The following GARRE1 variants were observed in gnomAD, a reference collection of about 807,000 sequenced individuals.
The protein encoded by GARRE1 is granule associated Rac and RHOG effector protein 1.
In GARRE1, 49 loss-of-function variants were observed where a neutral mutation model predicts 103.2. That is an observed-to-expected ratio of 0.47 (90% CI 0.38 to 0.60). The LOEUF (loss-of-function observed/expected upper bound fraction) is 0.60. Among genes scored for constraint, GARRE1 ranks in the 20% least tolerant of loss-of-function variants. GARRE1 has a pLI of 0.00. For missense variants in GARRE1, 1,199 were observed against 1,370.5 expected (o/e 0.87, Z 1.98); for synonymous variants, 505 against 532.8 (o/e 0.95, Z 0.72).
intron 1 of GARRE1, among the ~76,000 whole-genome samples, chr19:34,263,302 A>G (rs1176713435): frequency 6.6e-6 from 1 of 152,112 alleles, no homozygotes; most frequent in East Asian, 1.9e-4. Context: ...ATAGATAGAT[A>G]TACATGAAAT....
intron 1 of GARRE1, among the ~76,000 whole-genome samples, chr19:34,282,215 G>A (rs955424728): frequency 1.3e-5 from 2 of 150,934 alleles, no homozygotes; most frequent in African/African-American, 2.4e-5. Flanking sequence ...GCAATAGTGC[G>A]ATCTCGGCTC....
chr19:34,330,792 G>T (rs1304432668), intron 7 of GARRE1, among the ~76,000 whole-genome samples: 3 of 145,106 alleles, frequency 2.1e-5, no homozygotes, highest in Non-Finnish European at 4.5e-5. Context: ...CGCCCAGGCT[G>T]CAGTGCAGTG....
At chr19:34,274,954 A>G (rs2055796227) in intron 1 of GARRE1, among the ~76,000 whole-genome samples, 1 of 152,214 alleles carries the variant, frequency 6.6e-6, no homozygotes, top group African/African-American at 2.4e-5. Context: ...TGTTGAGAAT[A>G]AAATTCTTCA....
intron 1 of GARRE1, among the ~76,000 whole-genome samples, chr19:34,298,007 T>C (rs939525132): frequency 6.6e-6 from 1 of 152,210 alleles, no homozygotes; most frequent in Non-Finnish European, 1.5e-5. Flanking sequence ...GGAATTATGG[T>C]AATTGGCCAT....
rs912414362 is a variant in GARRE1, at chr19:34,277,853, CA to C, written c.-795-21817del. On this transcript the variant is annotated intron_variant, in intron 1 of 13. Coordinates refer to ENST00000299505, the MANE Select transcript of GARRE1 (RefSeq NM_014686.5). ...TAAGCACTTTCCTAAATGGAGTATT[CA>C]AAAAAAAACTATATAAACAGGAAAA... Among the ~76,000 whole-genome samples the C allele has an allele frequency of 1.2e-4, 17 of 147,062 alleles. No homozygotes were observed. In the South Asian group the frequency reaches 3.5e-3, roughly 30 times the overall value.
Position 34,284,096 on chromosome 19 carries a change from C to CTGGAA in GARRE1, c.-795-15582_-795-15578dup, listed in dbSNP as rs1181100253. 1.3e-4 allele frequency among the ~76,000 whole-genome samples: 19 copies of CTGGAA among 145,096 alleles called. No homozygotes were observed. The Admixed American group carries it at 1.4e-3, about 10-fold the overall frequency. On this transcript the variant is annotated intron_variant, in intron 1 of 13. Coordinates refer to ENST00000299505, the MANE Select transcript of GARRE1 (RefSeq NM_014686.5). ...CCGCCCGCCTCAGCCTCCCAAAGTG[C>CTGGAA]TGGAAGTGCTGGGATTACAGGCCCG...
chr19:34,291,601 A>G (rs1172536568), intron 1 of GARRE1, among the ~76,000 whole-genome samples: 5 of 152,180 alleles, frequency 3.3e-5, no homozygotes, highest in Non-Finnish European at 7.3e-5. Context: ...GAACTTCTGT[A>G]ACAGATTCAC....
chr19:34,352,586 G>A (rs2074244217), intron 13 of GARRE1, 61 bp from the exon 14 acceptor site: 1 of 1,395,920 alleles, frequency 7.2e-7, no homozygotes, highest in African/African-American at 1.4e-5. Context: ...GGCATCTGGG[G>A]AGGTGGGAAA....
intron 1 of GARRE1, among the ~76,000 whole-genome samples, chr19:34,273,938 G>A (rs759388324): frequency 2.0e-5 from 3 of 152,154 alleles, no homozygotes; most frequent in Non-Finnish European, 4.4e-5. Flanking sequence ...GATTTTAAGC[G>A]CAGAGTGGTG....
intron 2 of GARRE1, among the ~76,000 whole-genome samples, chr19:34,302,335 C>A (rs1176368834): frequency 7.9e-6 from 1 of 126,170 alleles, no homozygotes; most frequent in Non-Finnish European, 1.6e-5. Flanking sequence ...CACTCTGTCA[C>A]ACAAGCTGGA....
At chr19:34,320,173 G>C in intron 3 of GARRE1, 57 bp downstream of exon 3, 1 of 1,435,486 alleles carries the variant, frequency 7.0e-7, no homozygotes, top group Admixed American at 1.8e-5. Flanking sequence ...GGCTCCAGAG[G>C]GCCTTTGCCT....
At position 34,342,383 on chromosome 19, in the gene GARRE1, A is replaced by T; in HGVS notation, c.2449A>T (p.Thr817Ser). The change falls in exon 10 of 14, where the codon ACC becomes TCC. Residue 817 changes from threonine to serine, a missense_variant. Coordinates refer to ENST00000299505, the MANE Select transcript of GARRE1 (RefSeq NM_014686.5). ...GQKPQGPRNN[T>S]WPNRDQSDGV... ...GAAGCCGCAGGGACCTAGAAATAACACCTGGCCCAACCGTGACCAAAGTGA... is the reference window on the plus strand; with the variant it reads ...GAAGCCGCAGGGACCTAGAAATAACTCCTGGCCCAACCGTGACCAAAGTGA... 6.2e-7 allele frequency: 1 copy of T among 1,614,052 alleles called. No individual in the cohort carries two copies. Among genetic ancestry groups the T allele is most frequent in the South Asian group, 1.1e-5 (1 of 91,066 alleles).
At position 34,333,684 on chromosome 19, in the gene GARRE1, T is replaced by TG. The variant is rs748889018; in HGVS notation, c.1264-20_1264-19insG. On this transcript the variant is annotated intron_variant, in intron 7 of 13. Transcript: ENST00000299505. ...GAAAGCTGGTTGTTATTTGTTTTTT[T>TG]TTTTTTTTTTCGATCTTAGGTGGTG... 34 of 1,256,218 alleles carry TG rather than the reference T, an allele frequency of 2.7e-5. No individual in the cohort carries two copies. Among genetic ancestry groups the TG allele is most frequent in the Middle Eastern group, 1.9e-4 (1 of 5,248 alleles). 77.8% of individuals were successfully genotyped at this position (1,256,218 alleles called of 1,614,324 possible). A position where few individuals can be genotyped will look rare whatever the true frequency, so the allele number is the denominator to read the frequency against.
In GARRE1 at chr19:34,352,880, C is replaced by T. The variant is rs1314392843; in HGVS notation, c.3138C>T (p.His1046=). 1.3e-6 allele frequency: 2 copies of T among 1,586,342 alleles called. No homozygotes were observed. The highest frequency in any genetic ancestry group is 1.8e-5 in the Admixed American group (1 of 55,432). Residue 1046 remains histidine (H), a synonymous_variant, in exon 14 of 14, where the codon CAC becomes CAT. Transcript: ENST00000299505. The part of the protein sequence containing the change: ...TPPQPPPPPA[H]KAAPKGFKAF... ...CCCAGCCCCCACCCCCACCAGCACA[C>T]AAGGCAGCACCCAAGGGCTTCAAGG...
chr19:34,353,290 T>G lies in GARRE1; in HGVS notation c.*335T>G. 2.9e-6 allele frequency: 1 copy of G among 349,656 alleles called. No homozygotes were observed. 21.7% of individuals were successfully genotyped at this position (349,656 alleles called of 1,614,324 possible). A position where few individuals can be genotyped will look rare whatever the true frequency, so the allele number is the denominator to read the frequency against. Reference sequence around the variant, plus strand: ...ACTTGAAGAAACACAGCTCTTGGGTTTTTAGTCCTGCTGTGTGTTGGGAAG... The same window carrying G: ...ACTTGAAGAAACACAGCTCTTGGGTGTTTAGTCCTGCTGTGTGTTGGGAAG... On this transcript the variant is annotated 3_prime_UTR_variant, in exon 14 of 14. Transcript: ENST00000299505.
At chr19:34,348,944 C>T in intron 11 of GARRE1, 72 bp from the exon 12 acceptor site, 1 of 1,573,300 alleles carries the variant, frequency 6.4e-7, no homozygotes, top group South Asian at 1.1e-5. Flanking sequence ...GTAAGGACTG[C>T]CCTTTCAGGG....
intron 1 of GARRE1, among the ~76,000 whole-genome samples, chr19:34,297,786 T>G (rs2073955167): frequency 1.3e-5 from 2 of 152,244 alleles, no homozygotes; most frequent in African/African-American, 2.4e-5. Context: ...TTGGAACACA[T>G]TTTTTACAAG....
intron 1 of GARRE1, among the ~76,000 whole-genome samples, chr19:34,267,071 C>CTGAA (rs2073757217): frequency 6.6e-6 from 1 of 152,110 alleles, no homozygotes; most frequent in African/African-American, 2.4e-5. Flanking sequence ...CGAGACCAAC[C>CTGAA]TGAACATCAC....
intron 1 of GARRE1, among the ~76,000 whole-genome samples, chr19:34,272,832 G>A (rs2073795795): frequency 6.6e-6 from 1 of 152,210 alleles, no homozygotes; most frequent in Non-Finnish European, 1.5e-5. Flanking sequence ...CCTTAGCCAT[G>A]TGGTGAGAAC....
Sources: gnomAD v4.1 joint callset for allele counts (sites outside exome capture counted in the v4.1 genomes callset) on GRCh38, gnomAD v4.1.1 for gene constraint, MANE v1.5 for transcripts, NCBI Gene and HGNC (gene_info 2026-07-23, HGNC 2026-07-21) for gene names.